TFDP1: variants seen among roughly 807,000 people sequenced by gnomAD.
TFDP1 encodes transcription factor Dp-1.
In TFDP1, 6 loss-of-function variants were observed where a neutral mutation model predicts 48.0. The ratio of observed to expected loss-of-function variants is 0.13; its 90% CI spans 0.07 to 0.25. TFDP1 has a LOEUF of 0.25. Among genes scored for constraint, TFDP1 ranks in the 10% least tolerant of loss-of-function variants. The pLI, the probability that TFDP1 is intolerant of heterozygous loss-of-function variation, is 1.00. For missense variants in TFDP1, 335 were observed against 543.0 expected (o/e 0.62, Z 3.81); for synonymous variants, 201 against 211.6 (o/e 0.95, Z 0.44).
intron 11 of TFDP1, among the ~76,000 whole-genome samples, chr13:113,638,501 G>T (rs921696780): frequency 1.3e-5 from 2 of 149,768 alleles, no homozygotes; most frequent in Non-Finnish European, 3.0e-5. Context: ...TTGCGAACGC[G>T]TCTGTGATTA....
At chr13:113,636,194 G>T in intron 9 of TFDP1, 66 bp downstream of exon 9, 2 of 1,565,658 alleles carry the variant, frequency 1.3e-6, no homozygotes, top group South Asian at 1.2e-5. Flanking sequence ...GACCCTGTTG[G>T]TATTGTCACT....
At chr13:113,616,718 A>G (rs4150743) in intron 3 of TFDP1, among the ~76,000 whole-genome samples, 68 of 151,926 alleles carry the variant, frequency 4.5e-4, no homozygotes, top group African/African-American at 1.5e-3. Flanking sequence ...GTAATTCCTC[A>G]CTCGTGACCG....
intron 2 of TFDP1, among the ~76,000 whole-genome samples, chr13:113,597,006 G>A (rs2048303739): frequency 6.6e-6 from 1 of 152,168 alleles, no homozygotes; most frequent in African/African-American, 2.4e-5. Flanking sequence ...TGAGTCTGCT[G>A]CGGCTCTGGT....
Position 113,607,935 on chromosome 13 carries a change from G to A in TFDP1, c.13-3061G>A, listed in dbSNP as rs2048609584. Among the ~76,000 whole-genome samples the A allele has an allele frequency of 6.6e-6, 1 of 152,212 alleles. No homozygotes were observed. The highest frequency in any genetic ancestry group is 2.1e-4 in the South Asian group (1 of 4,828). Reference sequence around the variant, plus strand: ...GCTGCCGAGGTCTCCCCTGGGCAGGGGCAGTTGGTGTTCTCGCAGGGCCTG... The same window carrying A: ...GCTGCCGAGGTCTCCCCTGGGCAGGAGCAGTTGGTGTTCTCGCAGGGCCTG... On this transcript the variant is annotated intron_variant, in intron 2 of 11. Transcript: ENST00000375370. This position sits in a 1 kb window ranked among gnomAD's most constrained non-coding sequence, Gnocchi z 5.2.
rs1373216818 is a variant in TFDP1 at position 113,640,430 on chromosome 13, G to C, written c.*163G>C. On this transcript the variant is annotated 3_prime_UTR_variant, in exon 12 of 12. Transcript: ENST00000375370. ...TGATAAGCAAGGATTGTTTCCCGTAGGATTAGGACGTGCTGTGGATGTGTG... is the reference window on the plus strand; with the variant it reads ...TGATAAGCAAGGATTGTTTCCCGTACGATTAGGACGTGCTGTGGATGTGTG... 5.4e-5 allele frequency: 63 copies of C among 1,174,090 alleles called. No homozygotes were observed. Among genetic ancestry groups the C allele is most frequent in the Non-Finnish European group, 7.1e-5 (61 of 862,688 alleles). The allele number at this position is 1,174,090 out of a possible 1,614,324, so 72.7% of individuals were successfully genotyped here.
chr13:113,595,876 A>G (rs2048275380), intron 2 of TFDP1, among the ~76,000 whole-genome samples: 1 of 152,222 alleles, frequency 6.6e-6, no homozygotes, highest in South Asian at 2.1e-4. Context: ...AGGTCAGGAT[A>G]TCGAGACCAT....
At chr13:113,597,027 C>T (rs1439895851) in intron 2 of TFDP1, among the ~76,000 whole-genome samples, 3 of 152,174 alleles carry the variant, frequency 2.0e-5, no homozygotes, top group Admixed American at 6.5e-5. Context: ...GCCTGCCCGG[C>T]GCCATTGTCA....
At chr13:113,599,722 G>C (rs1468767434) in intron 2 of TFDP1, among the ~76,000 whole-genome samples, 1 of 152,202 alleles carries the variant, frequency 6.6e-6, no homozygotes, top group Admixed American at 6.5e-5. Flanking sequence ...CTGGAAGCTG[G>C]CTCTGCCCTG....
intron 4 of TFDP1, among the ~76,000 whole-genome samples, chr13:113,630,417 T>A (rs1238441650): frequency 6.6e-6 from 1 of 152,098 alleles, no homozygotes. Flanking sequence ...TAGGGATAAT[T>A]GGAAAGTGTC....
At chr13:113,619,249 G>C (rs1441522761) in intron 3 of TFDP1, among the ~76,000 whole-genome samples, 4 of 152,192 alleles carry the variant, frequency 2.6e-5, no homozygotes, top group Non-Finnish European at 5.9e-5. Context: ...GAGGCAGGCG[G>C]ATCACCAGAG....
At chr13:113,631,861 C>A in intron 5 of TFDP1, 117 bp downstream of exon 5, 1 of 1,365,118 alleles carries the variant, frequency 7.3e-7, no homozygotes, top group Non-Finnish European at 9.9e-7. Context: ...CGCGCGTTGA[C>A]GCCAGCCTCC....
intron 10 of TFDP1, among the ~76,000 whole-genome samples, 174 bp downstream of exon 10, chr13:113,636,874 G>A (rs972323823): frequency 1.6e-4 from 24 of 150,634 alleles, no homozygotes; most frequent in Admixed American, 1.1e-3. Context: ...GTGTGGCTGG[G>A]GTGGGGTCCA....
chr13:113,612,442 G>A (rs9577594), intron 3 of TFDP1, among the ~76,000 whole-genome samples: 69,550 of 152,088 alleles, frequency 0.46, 17,593 homozygotes, highest in African/African-American at 0.68. Context: ...CAGCCCTTTT[G>A]GGATTATTTA....
In TFDP1 at chr13:113,623,970, G is replaced by A. The variant is rs1051755796; in HGVS notation, c.186+684G>A. On this transcript the variant is annotated intron_variant, in intron 4 of 11. Transcript: ENST00000375370. The surrounding 1 kb of genome is among the most constrained non-coding windows in gnomAD (Gnocchi z 5.2). ...CCAGAAATGGGGCCCCAGGCACTTG[G>A]TGGGCAGGTTTGGCTGTGACTGGAG... Among the ~76,000 whole-genome samples the A allele has an allele frequency of 1.3e-5, 2 of 152,188 alleles. No individual in the cohort carries two copies. Among genetic ancestry groups the A allele is most frequent in the Non-Finnish European group, 2.9e-5 (2 of 68,016 alleles).
At chr13:113,632,534 C>T (rs910348094) in intron 5 of TFDP1, among the ~76,000 whole-genome samples, 5 of 152,242 alleles carry the variant, frequency 3.3e-5, no homozygotes, top group Admixed American at 6.5e-5. Context: ...CGCCTGTAAT[C>T]CTAGAGGCCG....
chr13:113,637,414 C>T (rs7984700), intron 10 of TFDP1, among the ~76,000 whole-genome samples: 71,611 of 152,134 alleles, frequency 0.47, 18,590 homozygotes, highest in African/African-American at 0.69. Context: ...GGGCTCTGGC[C>T]GCCCACGTGG....
chr13:113,620,783 C>T (rs1453846776), intron 3 of TFDP1, among the ~76,000 whole-genome samples: 2 of 152,098 alleles, frequency 1.3e-5, no homozygotes, highest in African/African-American at 2.4e-5. Flanking sequence ...GGATGCACAC[C>T]TTTATTTTTG....
In TFDP1 at chr13:113,636,522, T is replaced by C; in HGVS notation, c.840-12T>C. ...GAGACCCTGTCTTTCTGACTGTGCCTTTCCCCTTCAGATTTGAGTATCTGT... is the reference window on the plus strand; with the variant it reads ...GAGACCCTGTCTTTCTGACTGTGCCCTTCCCCTTCAGATTTGAGTATCTGT... On this transcript the variant is annotated splice_polypyrimidine_tract_variant and intron_variant, in intron 9 of 11. Coordinates refer to ENST00000375370, the MANE Select transcript of TFDP1 (RefSeq NM_007111.5). 1.9e-6 allele frequency: 3 copies of C among 1,612,812 alleles called. No homozygotes were observed. In the South Asian group the frequency reaches 3.3e-5, roughly 18 times the overall value.
At position 113,623,400 on chromosome 13, in the gene TFDP1, A is replaced by T; in HGVS notation, c.186+114A>T. On this transcript the variant is annotated intron_variant, in intron 4 of 11. Coordinates refer to ENST00000375370, the MANE Select transcript of TFDP1 (RefSeq NM_007111.5). This position sits in a 1 kb window ranked among gnomAD's most constrained non-coding sequence, Gnocchi z 5.2. ...CCTGGATTTGGGCTCCAGTTGCAGC[A>T]TGGGGCCTTTCCCTCATCAGGGAGC... The T allele has an allele frequency of 2.1e-6, 2 of 968,452 alleles. No individual in the cohort carries two copies. Among genetic ancestry groups the T allele is most frequent in the Non-Finnish European group, 3.1e-6 (2 of 646,946 alleles). The allele number at this position is 968,452 out of a possible 1,614,324, so 60.0% of individuals were successfully genotyped here. A position where few individuals can be genotyped will look rare whatever the true frequency, so the allele number is the denominator to read the frequency against.
Sources: allele counts gnomAD v4.1 joint callset (sites outside exome capture counted in the v4.1 genomes callset), GRCh38; gene constraint gnomAD v4.1.1; non-coding constraint Gnocchi (gnomAD v3.1); transcripts MANE v1.5; gene names NCBI Gene and HGNC (gene_info 2026-07-23, HGNC 2026-07-21).